Variants in ANKMY1 observed in about 807,000 individuals in gnomAD.
The protein encoded by ANKMY1 is ankyrin repeat and MYND domain-containing protein 1.
ANKMY1 carries 98 observed loss-of-function variants against 102.0 expected under a neutral mutation model. The ratio of observed to expected loss-of-function variants is 0.96; its 90% CI spans 0.82 to 1.14. The LOEUF (loss-of-function observed/expected upper bound fraction) is 1.14. Ranked by LOEUF, ANKMY1 falls within the 50% of genes most tolerant of loss-of-function variation. The pLI is 0.00. For synonymous variants in ANKMY1, 582 were observed against 559.9 expected (o/e 1.04, Z -0.56); for missense variants, 1,330 against 1,347.6 (o/e 0.99, Z 0.20).
In ANKMY1 at chr2:240,524,027, A is replaced by G. The variant is rs2152357144; in HGVS notation, c.1690T>C (p.Cys564Arg). The change falls in exon 8 of 18, where the codon TGC (cysteine) becomes CGC (arginine). Residue 564 changes from cysteine to arginine, a missense_variant. Coordinates refer to ENST00000401804, the MANE Select transcript of ANKMY1 (RefSeq NM_001282771.3). Reference sequence around the variant, plus strand: ...TGCGAGAGCTCGATGGAGAAGTCGCACACACACACGTTGGACTCAAATTTC... The same window carrying G: ...TGCGAGAGCTCGATGGAGAAGTCGCGCACACACACGTTGGACTCAAATTTC... ...ETKFESNVCV[C>R]DFSIELSQAM... is the part of the protein sequence containing the mutation. The G allele has an allele frequency of 6.2e-7, 1 of 1,613,900 alleles. No homozygotes were observed. The highest frequency in any genetic ancestry group is 8.5e-7 in the Non-Finnish European group (1 of 1,180,010).
intron 4 of ANKMY1, among the ~76,000 whole-genome samples, chr2:240,546,192 T>TG (rs1254123374): frequency 6.6e-6 from 1 of 151,704 alleles, no homozygotes; most frequent in Non-Finnish European, 1.5e-5. Flanking sequence ...CAGAAGAGAG[T>TG]GGGGGCCAAT....
At chr2:240,523,636 C>A in intron 8 of ANKMY1, 1 of 605,052 alleles carries the variant, frequency 1.7e-6, no homozygotes, top group Non-Finnish European at 2.8e-6. Flanking sequence ...TGGCGTGGTA[C>A]TGAAAACAGC....
At chr2:240,547,519 GA>G (rs2090626157) in intron 4 of ANKMY1, among the ~76,000 whole-genome samples, 1 of 143,626 alleles carries the variant, frequency 7.0e-6, no homozygotes, top group Non-Finnish European at 1.5e-5. Context: ...AATCAGAGCA[GA>G]ACTGAAGGAA....
upstream of ANKMY1, among the ~76,000 whole-genome samples, chr2:240,558,864 G>C (rs1001667521): frequency 6.6e-6 from 1 of 152,138 alleles, no homozygotes; most frequent in African/African-American, 2.4e-5. Context: ...CCACGACCCA[G>C]TACAAACCAC....
chr2:240,481,033 G>A lies in ANKMY1; in HGVS notation c.2950C>T (p.Pro984Ser). The A allele has an allele frequency of 3.1e-6, 5 of 1,613,938 alleles. No individual in the cohort carries two copies. Among genetic ancestry groups the A allele is most frequent in the Non-Finnish European group, 3.4e-6 (4 of 1,179,866 alleles). Reference protein sequence around the residue: ...RSIGVRLLPCPRCYGILTCSK... With the variant: ...RSIGVRLLPCSRCYGILTCSK... ...CAGGTCAGGATCCCGTAGCAGCGAG[G>A]GCAGGGCAAGAGGCGGACCCCGATG... Residue 984 changes from proline to serine, a missense_variant, in exon 17 of 18, where the codon CCT (proline) becomes TCT (serine). Transcript: ENST00000401804.
chr2:240,475,985 G>A (rs1299198688), downstream of ANKMY1, among the ~76,000 whole-genome samples: 1 of 151,664 alleles, frequency 6.6e-6, no homozygotes, highest in Non-Finnish European at 1.5e-5. Context: ...TTTTTTTACA[G>A]AAATAGCAAA....
At chr2:240,480,744 G>A (rs1476766976) in intron 17 of ANKMY1, among the ~76,000 whole-genome samples, 193 bp downstream of exon 17, 3 of 152,210 alleles carry the variant, frequency 2.0e-5, no homozygotes, top group Admixed American at 6.5e-5. Flanking sequence ...GCCACAGTAG[G>A]TGAGGAAGAG....
chr2:240,495,001 T>A (rs1384149321), intron 15 of ANKMY1, among the ~76,000 whole-genome samples: 1 of 151,568 alleles, frequency 6.6e-6, no homozygotes, highest in East Asian at 1.9e-4. Flanking sequence ...ATTGTAATAA[T>A]CCTCGATCTA....
rs1473901600 is a variant in ANKMY1 at position 240,482,259 on chromosome 2, C to A, written c.2809G>T (p.Glu937Ter). 6.2e-7 allele frequency: 1 copy of A among 1,611,814 alleles called. No individual in the cohort carries two copies. The highest frequency in any genetic ancestry group is 8.5e-7 in the Non-Finnish European group (1 of 1,179,092). Residue 937 changes from glutamate to a stop codon, truncating the protein, a stop_gained and splice_region_variant, in exon 16 of 18, where the codon GAG becomes TAG. Coordinates refer to ENST00000401804, the MANE Select transcript of ANKMY1 (RefSeq NM_001282771.3). LOFTEE classifies it high-confidence loss of function. ...TTCATCCTGTGGCTGGGGATCAGCT[C>A]CGCTGCATGAGAGAGGGTCCCGCAT... ...PTWLYLCKRA[E>*]LIPSHRMKKK...
chr2:240,510,330 C>G (rs1236600150), intron 11 of ANKMY1, among the ~76,000 whole-genome samples: 1 of 145,076 alleles, frequency 6.9e-6, no homozygotes, highest in African/African-American at 2.5e-5. Context: ...CCTCCTCCCC[C>G]GTCCCTGCCC....
chr2:240,510,092 G>A (rs1471103780), intron 11 of ANKMY1, among the ~76,000 whole-genome samples: 7 of 83,624 alleles, frequency 8.4e-5, no homozygotes, highest in Non-Finnish European at 1.2e-4. Flanking sequence ...CTGCCCCCCT[G>A]CTTCCCTGCC....
rs1423121252 is a variant in ANKMY1 at position 240,496,402 on chromosome 2, AGATAGATAGATG to A, written c.2806+3544_2806+3555del. On this transcript the variant is annotated intron_variant, in intron 15 of 17. Transcript: ENST00000401804. ...TAGATAGATAGATAGATAGATAGAT[AGATAGATAGATG>A]TGCTTGATGGTGTCCACTTTCCCCT... 3.9e-3 allele frequency among the ~76,000 whole-genome samples: 416 copies of A among 105,336 alleles called. 12 individuals carry two copies. The highest frequency in any genetic ancestry group is 8.5e-4 in the Non-Finnish European group (41 of 48,200). The allele number at this position is 105,336 out of a possible 152,430, so 69.1% of individuals were successfully genotyped here.
intron 4 of ANKMY1, among the ~76,000 whole-genome samples, chr2:240,545,516 C>T (rs1376340466): frequency 1.3e-5 from 2 of 152,206 alleles, no homozygotes; most frequent in Non-Finnish European, 2.9e-5. Context: ...CGGAGAATGA[C>T]TTTGACGAGC....
intron 4 of ANKMY1, among the ~76,000 whole-genome samples, chr2:240,546,177 C>T (rs2090330795): frequency 6.6e-6 from 1 of 152,200 alleles, no homozygotes. Context: ...AGAAACCCTA[C>T]AAGCCAGAAG....
chr2:240,510,218 C>A (rs2079905868), intron 11 of ANKMY1, among the ~76,000 whole-genome samples: 1 of 138,088 alleles, frequency 7.2e-6, no homozygotes. Flanking sequence ...TCCGTGCCCT[C>A]CCTGCCTCCC....
At chr2:240,527,298 G>C (rs1178702519) in intron 5 of ANKMY1, 1 of 147,548 alleles carries the variant, frequency 6.8e-6, no homozygotes, top group Admixed American at 6.8e-5. Context: ...GGGTAGGTGA[G>C]TGGATGACTG....
intron 11 of ANKMY1, among the ~76,000 whole-genome samples, chr2:240,509,665 G>C (rs2079756373): frequency 6.6e-6 from 1 of 152,156 alleles, no homozygotes; most frequent in African/African-American, 2.4e-5. Flanking sequence ...TCTTCAAATG[G>C]AGAAGATATT....
intron 9 of ANKMY1, chr2:240,519,999 C>A (rs530746420): frequency 4.1e-6 from 2 of 486,776 alleles, no homozygotes; most frequent in East Asian, 5.8e-5. Context: ...CTCCTGCCTG[C>A]GTCCTTGTGA....
Position 240,521,476 on chromosome 2 carries a change from C to G in ANKMY1, c.1833-943G>C, listed in dbSNP as rs573707673. Among the ~76,000 whole-genome samples the G allele has an allele frequency of 8.2e-5, 12 of 145,462 alleles. No individual in the cohort carries two copies. In the East Asian group the frequency reaches 2.1e-3, roughly 25 times the overall value. ...TGACTTCAAGAATGAAGTCGCGGAA[C>G]TCGCGGTGTTACAGCTTTTTTTTTT... On this transcript the variant is annotated intron_variant, in intron 8 of 17. Coordinates refer to ENST00000401804, the MANE Select transcript of ANKMY1 (RefSeq NM_001282771.3).
Sources: gnomAD v4.1 joint callset for allele counts (sites outside exome capture counted in the v4.1 genomes callset) on GRCh38, gnomAD v4.1.1 for gene constraint, MANE v1.5 for transcripts, NCBI Gene and HGNC (gene_info 2026-07-23, HGNC 2026-07-21) for gene names.